ZNF891: variants seen among roughly 807,000 people sequenced by gnomAD.
The protein encoded by ZNF891 is zinc finger protein 891, also known as hCG1646157.
For missense variants in ZNF891, 589 were observed against 632.7 expected (o/e 0.93, Z 0.74); for synonymous variants, 199 against 209.0 (o/e 0.95, Z 0.41).
chr12:133,106,694 AAAAAGAAGTATAAT>A lies in ZNF891; in HGVS notation c.*13576_*13589del. The A allele has an allele frequency of 6.8e-7, 1 of 1,474,470 alleles. No homozygotes were observed. Among genetic ancestry groups the A allele is most frequent in the East Asian group, 2.3e-5 (1 of 44,126 alleles). 91.3% of individuals were successfully genotyped at this position (1,474,470 alleles called of 1,614,324 possible). On this transcript the variant is annotated 3_prime_UTR_variant, in exon 2 of 2. Coordinates refer to ENST00000537226, the MANE Select transcript of ZNF891 (RefSeq NM_001277291.2). ...AAACTATGAATGTATGGAATTTTTTAAAAAGAAGTATAATGCCTTACTTCAGAGAACTCTTGGAA... is the reference window on the plus strand; with the variant it reads ...AAACTATGAATGTATGGAATTTTTTAGCCTTACTTCAGAGAACTCTTGGAA...
intron 1 of ZNF891, among the ~76,000 whole-genome samples, chr12:133,123,025 A>G (rs1566337387): frequency 6.6e-6 from 1 of 152,258 alleles, no homozygotes; most frequent in Non-Finnish European, 1.5e-5. Context: ...GACAAATCAC[A>G]AAACAATTTA....
rs1267830690 is a variant in ZNF891 at position 133,111,228 on chromosome 12, AT to A, written c.*9055del. 9 of 152,256 alleles carry A rather than the reference AT, an allele frequency of 5.9e-5. No individual in the cohort carries two copies. The highest frequency in any genetic ancestry group is 2.1e-4 in the South Asian group (1 of 4,824). 9.4% of individuals were successfully genotyped at this position (152,256 alleles called of 1,614,324 possible). On this transcript the variant is annotated 3_prime_UTR_variant, in exon 2 of 2. Transcript: ENST00000537226. ...TTTTAAGGAAACAAAACAAAAAAAA[AT>A]AAATTATGTAACCCAGCACTTTGGG...
chr12:133,119,318 T>C lies in ZNF891; in HGVS notation c.*966A>G, dbSNP rs1955734262. ...CAACACTTTGGGACGCCTAGGTGGG[T>C]GGATCACCTGAGGTCAGGAGTTTGA... On this transcript the variant is annotated 3_prime_UTR_variant, in exon 2 of 2. Transcript: ENST00000537226. 6.6e-6 allele frequency: 1 copy of C among 151,960 alleles called. No individual in the cohort carries two copies. Among genetic ancestry groups the C allele is most frequent in the Non-Finnish European group, 1.5e-5 (1 of 68,006 alleles). The allele number at this position is 151,960 out of a possible 1,614,324, so 9.4% of individuals were successfully genotyped here.
At chr12:133,129,360 G>A (rs746970812) in intron 1 of ZNF891, among the ~76,000 whole-genome samples, 2 of 152,046 alleles carry the variant, frequency 1.3e-5, no homozygotes, top group Non-Finnish European at 2.9e-5. Context: ...AATTAGCTGG[G>A]CGTGGTGGCT....
chr12:133,124,018 A>G (rs544298289), intron 1 of ZNF891, among the ~76,000 whole-genome samples: 60 of 152,354 alleles, frequency 3.9e-4, no homozygotes, highest in Non-Finnish European at 7.9e-4. Context: ...TGTAGCTTTT[A>G]AAGTTTTATA....
chr12:133,124,360 G>A (rs549387738), intron 1 of ZNF891, among the ~76,000 whole-genome samples: 1 of 152,106 alleles, frequency 6.6e-6, no homozygotes, highest in South Asian at 2.1e-4. Context: ...AGGAATTCCA[G>A]AAGAGGAGAA....
At chr12:133,126,366 C>T (rs563778241) in intron 1 of ZNF891, among the ~76,000 whole-genome samples, 16 of 149,526 alleles carry the variant, frequency 1.1e-4, no homozygotes, top group African/African-American at 4.0e-4. Flanking sequence ...CCCAGCTACA[C>T]GGGAGTGTGA....
chr12:133,107,134 G>C lies in ZNF891; in HGVS notation c.*13150C>G, dbSNP rs548001660. 3.9e-5 allele frequency: 6 copies of C among 152,792 alleles called. No individual in the cohort carries two copies. The highest frequency in any genetic ancestry group is 8.8e-5 in the Non-Finnish European group (6 of 68,500). The allele number at this position is 152,792 out of a possible 1,614,324, so 9.5% of individuals were successfully genotyped here. On this transcript the variant is annotated 3_prime_UTR_variant, in exon 2 of 2. Transcript: ENST00000537226. ...AAAGTGATACAAACACAGTGATTTG[G>C]GAATGCCTTCATTTACAATGCAATA...
At chr12:133,123,954 T>C (rs1955790073) in intron 1 of ZNF891, among the ~76,000 whole-genome samples, 1 of 152,182 alleles carries the variant, frequency 6.6e-6, no homozygotes, top group Admixed American at 6.5e-5. Flanking sequence ...ATTCACTAGG[T>C]GAATCACCAT....
chr12:133,112,621 CCTGA>C lies in ZNF891; in HGVS notation c.*7659_*7662del. On this transcript the variant is annotated 3_prime_UTR_variant, in exon 2 of 2. Coordinates refer to ENST00000537226, the MANE Select transcript of ZNF891 (RefSeq NM_001277291.2). Reference sequence around the variant, plus strand: ...ACAGGCGTGCGCCACTGCGCCTAGCCCTGACTGCTTTTTCTAACACAATTCCCTG... The same window carrying C: ...ACAGGCGTGCGCCACTGCGCCTAGCCCTGCTTTTTCTAACACAATTCCCTG... 1 of 152,358 alleles carries C rather than the reference CCTGA, an allele frequency of 6.6e-6. No individual in the cohort carries two copies. The highest frequency in any genetic ancestry group is 1.9e-4 in the East Asian group (1 of 5,180). 9.4% of individuals were successfully genotyped at this position (152,358 alleles called of 1,614,324 possible).
rs1469878856 is a variant in ZNF891 at position 133,112,981 on chromosome 12, C to G, written c.*7303G>C. The G allele has an allele frequency of 6.6e-6, 1 of 151,634 alleles. No individual in the cohort carries two copies. Among genetic ancestry groups the G allele is most frequent in the African/African-American group, 2.4e-5 (1 of 41,300 alleles). The allele number at this position is 151,634 out of a possible 1,614,324, so 9.4% of individuals were successfully genotyped here. On this transcript the variant is annotated 3_prime_UTR_variant, in exon 2 of 2. Coordinates refer to ENST00000537226, the MANE Select transcript of ZNF891 (RefSeq NM_001277291.2). ...GGCTGAGGCAGGAGAATGGCATGAA[C>G]CCAGGAGGTGGAGCTTGCGGTGAGC...
chr12:133,129,576 C>G (rs1240346446), intron 1 of ZNF891, among the ~76,000 whole-genome samples: 3 of 150,068 alleles, frequency 2.0e-5, no homozygotes, highest in Non-Finnish European at 3.0e-5. Context: ...TAGCACCAAA[C>G]TTTTGGAGGC....
At position 133,121,645 on chromosome 12, in the gene ZNF891, T is replaced by C; in HGVS notation, c.274A>G (p.Ile92Val). 6.5e-7 allele frequency: 1 copy of C among 1,536,428 alleles called. No homozygotes were observed. Among genetic ancestry groups the C allele is most frequent in the East Asian group, 2.4e-5 (1 of 40,910 alleles). Residue 92 changes from isoleucine to valine, a missense_variant, in exon 2 of 2, where the codon ATC becomes GTC. By Grantham distance (29) the Ile-to-Val change is conservative. Coordinates refer to ENST00000537226, the MANE Select transcript of ZNF891 (RefSeq NM_001277291.2). ...VEYQLYRLTV[I>V]SPLDQEEIRN... ...ATCTCTTCTTGATCCAATGGGGAGATCACAGTAAGCCTGTACAACTGATAT... is the reference window on the plus strand; with the variant it reads ...ATCTCTTCTTGATCCAATGGGGAGACCACAGTAAGCCTGTACAACTGATAT...
intron 1 of ZNF891, among the ~76,000 whole-genome samples, chr12:133,128,405 G>A (rs1955837931): frequency 6.6e-6 from 1 of 152,224 alleles, no homozygotes; most frequent in Admixed American, 6.5e-5. Context: ...GCCAAGGCGG[G>A]CGGATTGCCT....
Position 133,118,335 on chromosome 12 carries a change from T to A in ZNF891, c.*1949A>T, listed in dbSNP as rs7971823. 6.6e-6 allele frequency: 1 copy of A among 152,232 alleles called. No individual in the cohort carries two copies. The highest frequency in any genetic ancestry group is 1.5e-5 in the Non-Finnish European group (1 of 68,050). 9.4% of individuals were successfully genotyped at this position (152,232 alleles called of 1,614,324 possible). Reference sequence around the variant, plus strand: ...ATCTCTCTACTATAGTTCCTTTAAATGTATGTCTTCAGGGTAGGTGGCAGA... The same window carrying A: ...ATCTCTCTACTATAGTTCCTTTAAAAGTATGTCTTCAGGGTAGGTGGCAGA... On this transcript the variant is annotated 3_prime_UTR_variant, in exon 2 of 2. Coordinates refer to ENST00000537226, the MANE Select transcript of ZNF891 (RefSeq NM_001277291.2).
In ZNF891 at chr12:133,110,795, C is replaced by T. The variant is rs543623227; in HGVS notation, c.*9489G>A. ...TGAAACCCCATTGCTACTAAAAATA[C>T]AAAAAATTAGTTGGGTGTGGCGGTG... On this transcript the variant is annotated 3_prime_UTR_variant, in exon 2 of 2. Coordinates refer to ENST00000537226, the MANE Select transcript of ZNF891 (RefSeq NM_001277291.2). The T allele has an allele frequency of 1.3e-5, 2 of 151,980 alleles. No homozygotes were observed. Among genetic ancestry groups the T allele is most frequent in the African/African-American group, 4.8e-5 (2 of 41,370 alleles). The allele number at this position is 151,980 out of a possible 1,614,324, so 9.4% of individuals were successfully genotyped here. A position where few individuals can be genotyped will look rare whatever the true frequency, so the allele number is the denominator to read the frequency against.
In ZNF891 at chr12:133,111,722, A is replaced by G. The variant is rs1955683786; in HGVS notation, c.*8562T>C. On this transcript the variant is annotated 3_prime_UTR_variant, in exon 2 of 2. Coordinates refer to ENST00000537226, the MANE Select transcript of ZNF891 (RefSeq NM_001277291.2). ...CTTAAGTTAGAGGTGAATTTAAGTC[A>G]TGACATGTATTAGCCATGAATTTCC... The G allele has an allele frequency of 6.6e-6, 1 of 152,228 alleles. No individual in the cohort carries two copies. The highest frequency in any genetic ancestry group is 1.5e-5 in the Non-Finnish European group (1 of 68,046). The allele number at this position is 152,228 out of a possible 1,614,324, so 9.4% of individuals were successfully genotyped here.
At chr12:133,128,542 G>C (rs1430583010) in intron 1 of ZNF891, among the ~76,000 whole-genome samples, 1 of 152,194 alleles carries the variant, frequency 6.6e-6, no homozygotes, top group South Asian at 2.1e-4. Flanking sequence ...GCTGAGGCAG[G>C]AGAATGGCTT....
intron 1 of ZNF891, among the ~76,000 whole-genome samples, chr12:133,124,746 G>T (rs1160042166): frequency 2.8e-5 from 4 of 143,172 alleles, no homozygotes; most frequent in African/African-American, 1.0e-4. Flanking sequence ...AATATAAAAG[G>T]CCTTTTATAT....
Sources: allele counts gnomAD v4.1 joint callset (sites outside exome capture counted in the v4.1 genomes callset), GRCh38; gene constraint gnomAD v4.1.1; transcripts MANE v1.5; gene names NCBI Gene and HGNC (gene_info 2026-07-23, HGNC 2026-07-21).